TSBP1: variants seen among roughly 807,000 people sequenced by gnomAD.
TSBP1 encodes testis expressed basic protein 1.
In TSBP1, 56 loss-of-function variants were observed where a neutral mutation model predicts 68.8. The observed-to-expected ratio is 0.81, with a 90% CI of 0.66 to 1.02. The LOEUF (loss-of-function observed/expected upper bound fraction) is 1.02, where lower values mean the gene tolerates loss of function less well. Ranked by LOEUF, TSBP1 falls within the 50% of genes least tolerant of loss-of-function variation. TSBP1 has a pLI of 0.00. For missense variants in TSBP1, 502 were observed against 641.2 expected (o/e 0.78, Z 2.34); for synonymous variants, 171 against 208.7 (o/e 0.82, Z 1.56).
At chr6:32,353,611 T>A (rs1771946879) in intron 8 of TSBP1, among the ~76,000 whole-genome samples, 1 of 150,134 alleles carries the variant, frequency 6.7e-6, no homozygotes, top group Admixed American at 6.7e-5. Context: ...AACACATTTC[T>A]GAAAAAGAAC....
chr6:32,367,052 C>CATGTGTGTGTGT (rs146374908), intron 4 of TSBP1, among the ~76,000 whole-genome samples: 1 of 148,344 alleles, frequency 6.7e-6, no homozygotes, highest in African/African-American at 2.5e-5. Flanking sequence ...ATGCTTGTAG[C>CATGTGTGTGTGT]GTGTGTGTGT....
intron 10 of TSBP1, 94 bp from the exon 12 acceptor site, chr6:32,339,093 G>T: frequency 2.0e-6 from 2 of 1,011,288 alleles, no homozygotes; most frequent in South Asian, 1.3e-5. Flanking sequence ...CTACATATTT[G>T]ATTTACATGG....
chr6:32,352,263 C>A (rs1771801870), intron 8 of TSBP1, among the ~76,000 whole-genome samples: 1 of 151,700 alleles, frequency 6.6e-6, no homozygotes, highest in South Asian at 2.1e-4. Flanking sequence ...AAAAAGAATA[C>A]CACAAACAAG....
At position 32,320,977 on chromosome 6, in the gene TSBP1, G is replaced by T. The variant is rs374857240; in HGVS notation, c.559+2140C>A. ...CTGCATTAGTTTGCTAGGGGTAATG[G>T]CCTCTAGATCCATCCGTGTTCCAGC... On this transcript the variant is annotated intron_variant, in intron 18 of 22. Transcript: ENST00000612031. 7.9e-5 allele frequency among the ~76,000 whole-genome samples: 12 copies of T among 152,106 alleles called. No individual in the cohort carries two copies. In the East Asian group the frequency reaches 2.1e-3, roughly 27 times the overall value.
chr6:32,330,152 C>A (rs949123648), intron 16 of TSBP1, among the ~76,000 whole-genome samples: 6 of 152,180 alleles, frequency 3.9e-5, no homozygotes, highest in Non-Finnish European at 8.8e-5. Context: ...AGACTAGACC[C>A]TGCATAGTAT....
At chr6:32,328,619 G>A (rs2127595559) in intron 16 of TSBP1, among the ~76,000 whole-genome samples, 1 of 151,956 alleles carries the variant, frequency 6.6e-6, no homozygotes, top group East Asian at 1.9e-4. Context: ...GTTTCACCAT[G>A]TTGGCCAGGC....
At position 32,315,954 on chromosome 6, in the gene TSBP1, A is replaced by G. The variant is rs1177449376; in HGVS notation, c.560-162T>C. Among the ~76,000 whole-genome samples the G allele has an allele frequency of 6.6e-6, 1 of 152,196 alleles. No homozygotes were observed. The highest frequency in any genetic ancestry group is 1.5e-5 in the Non-Finnish European group (1 of 68,034). ...AGATTAGTTTTAGATTAGTTTTACA[A>G]TGCAAAACTAGATATAAGATTAGGC... is the stretch of plus-strand genomic sequence containing the variant. On this transcript the variant is annotated intron_variant, in intron 18 of 22. Transcript: ENST00000612031. The surrounding 1 kb of genome is among the most constrained non-coding windows in gnomAD (Gnocchi z 5.4).
intron 16 of TSBP1, among the ~76,000 whole-genome samples, chr6:32,328,012 G>A (rs1338895318): frequency 2.0e-5 from 3 of 151,210 alleles, no homozygotes; most frequent in Non-Finnish European, 4.4e-5. Context: ...CACTGTGTTA[G>A]CCAGGATGGT....
rs1415889107 is a variant in TSBP1, at chr6:32,316,674, A to G, written c.560-882T>C. On this transcript the variant is annotated intron_variant, in intron 18 of 22. Transcript: ENST00000612031. This position sits in a 1 kb window ranked among gnomAD's most constrained non-coding sequence, Gnocchi z 4.5. ...GTAATTAAAGCACCTATATAATTCT[A>G]TAGGAGGTGCAAAGTACATATGTGT... Among the ~76,000 whole-genome samples the G allele has an allele frequency of 6.6e-6, 1 of 152,200 alleles. No individual in the cohort carries two copies. Among genetic ancestry groups the G allele is most frequent in the Non-Finnish European group, 1.5e-5 (1 of 68,040 alleles).
chr6:32,297,231 C>A (rs1764809754), intron 22 of TSBP1, among the ~76,000 whole-genome samples: 1 of 152,070 alleles, frequency 6.6e-6, no homozygotes. Context: ...CAGTGTAAAT[C>A]TTCATAATAT....
intron 20 of TSBP1, among the ~76,000 whole-genome samples, chr6:32,301,952 T>A (rs1481179492): frequency 9.3e-6 from 1 of 108,038 alleles, no homozygotes. Context: ...CATATTTAAA[T>A]AGTTGAAATC....
intron 9 of TSBP1, among the ~76,000 whole-genome samples, chr6:32,342,070 A>G (rs1211821159): frequency 2.0e-5 from 3 of 149,104 alleles, no homozygotes; most frequent in African/African-American, 2.5e-5. Context: ...TTTTTTGACA[A>G]TCAATTGAAA....
At chr6:32,371,431 C>T (rs529778747) in intron 1 of TSBP1, among the ~76,000 whole-genome samples, 20 of 152,200 alleles carry the variant, frequency 1.3e-4, no homozygotes, top group South Asian at 1.2e-3. Context: ...CCTAGTGCTA[C>T]GGAGGATGGT....
chr6:32,310,761 A>ATATATATATATATATATATATATTTTTT lies in TSBP1; in HGVS notation c.580+5010_580+5011insAAAAAATATATATATATATATATATATA. Among the ~76,000 whole-genome samples the ATATATATATATATATATATATATTTTTT allele has an allele frequency of 3.5e-5, 5 of 144,828 alleles. No homozygotes were observed. In the South Asian group the frequency reaches 1.1e-3, roughly 32 times the overall value. On this transcript the variant is annotated intron_variant, in intron 19 of 22. Coordinates refer to ENST00000612031, the Ensembl canonical transcript of TSBP1. The stretch of plus-strand genomic sequence containing the variant: ...TATATATACATATATATATATATAT[A>ATATATATATATATATATATATATTTTTT]TTTTTAATCTTTTTAGAAAGGATAG...
At chr6:32,301,964 TC>T (rs200557523) in intron 20 of TSBP1, among the ~76,000 whole-genome samples, 13,435 of 88,314 alleles carry the variant, frequency 0.15, 792 homozygotes, top group Admixed American at 0.19. Context: ...GTTGAAATCA[TC>T]ATCATAATAA....
intron 19 of TSBP1, among the ~76,000 whole-genome samples, chr6:32,309,895 C>T (rs1489715377): frequency 6.6e-6 from 1 of 152,192 alleles, no homozygotes; most frequent in Non-Finnish European, 1.5e-5. Flanking sequence ...ATTTTTCTCT[C>T]TCCTGACTAC....
intron 1 of TSBP1, among the ~76,000 whole-genome samples, chr6:32,370,246 G>C (rs992647476): frequency 2.0e-5 from 3 of 151,830 alleles, no homozygotes; most frequent in African/African-American, 7.3e-5. Context: ...TTGGAAATCT[G>C]ACAGATTTCC....
At chr6:32,358,103 A>G (rs1379321516) in intron 6 of TSBP1, among the ~76,000 whole-genome samples, 1 of 152,222 alleles carries the variant, frequency 6.6e-6, no homozygotes, top group Non-Finnish European at 1.5e-5. Context: ...CAATATTAAT[A>G]AAATGAAAAA....
At chr6:32,307,385 ATTTCT>A (rs1396168859) in intron 19 of TSBP1, among the ~76,000 whole-genome samples, 25 of 151,906 alleles carry the variant, frequency 1.6e-4, no homozygotes, top group Non-Finnish European at 2.9e-4. Context: ...TTTGTTATTT[ATTTCT>A]GTTTTGTTGC....
Sources: gnomAD v4.1 joint callset for allele counts (sites outside exome capture counted in the v4.1 genomes callset) on GRCh38, gnomAD v4.1.1 for gene constraint, Gnocchi (gnomAD v3.1) non-coding constraint, MANE v1.5 for transcripts, NCBI Gene and HGNC (gene_info 2026-07-23, HGNC 2026-07-21) for gene names.